The following LOXHD1 variants were observed in gnomAD, a reference collection of about 807,000 sequenced individuals.
The protein encoded by LOXHD1 is lipoxygenase homology PLAT domains 1, also known as lipoxygenase homology domain-containing protein 1.
A neutral mutation model predicts 248.2 loss-of-function variants in LOXHD1; 205 were observed. The observed-to-expected ratio is 0.83, with a 90% CI of 0.74 to 0.93. LOXHD1 has a LOEUF of 0.93. Ranked by LOEUF, LOXHD1 falls within the 40% of genes least tolerant of loss-of-function variation. The probability of loss-of-function intolerance (pLI) is 0.00; values close to 1 mark genes in which losing one functional copy is unlikely to be tolerated. For missense variants in LOXHD1, 2,930 were observed against 2,971.6 expected, an observed-to-expected ratio of 0.99 and a Z score of 0.33; for synonymous variants, 1,113 against 1,162.8, an observed-to-expected ratio of 0.96 and a Z score of 0.87.
chr18:46,567,442 C>T (rs562099908), intron 16 of LOXHD1, among the ~76,000 whole-genome samples: 18 of 152,350 alleles, frequency 1.2e-4, no homozygotes, highest in Admixed American at 3.9e-4. Flanking sequence ...AGAAGAAAAC[C>T]AGCTAAGCTT....
chr18:46,603,803 A>G (rs2038374037), intron 7 of LOXHD1, among the ~76,000 whole-genome samples: 1 of 152,224 alleles, frequency 6.6e-6, no homozygotes, highest in Admixed American at 6.5e-5. Flanking sequence ...AAGAGTTCAG[A>G]TCAATGTCCT....
intron 1 of LOXHD1, among the ~76,000 whole-genome samples, chr18:46,655,885 T>C (rs1204028348): frequency 3.3e-5 from 5 of 152,154 alleles, no homozygotes; most frequent in Non-Finnish European, 2.9e-5. Flanking sequence ...AGGGAACTCA[T>C]GGTGGACTGG....
chr18:46,541,306 C>T (rs185511820), intron 25 of LOXHD1, among the ~76,000 whole-genome samples: 2 of 152,228 alleles, frequency 1.3e-5, no homozygotes, highest in East Asian at 3.9e-4. Context: ...TAAGTGAGGG[C>T]CCTTTCAAGC....
intron 2 of LOXHD1, among the ~76,000 whole-genome samples, chr18:46,648,510 A>T (rs529427312): frequency 6.6e-6 from 1 of 152,330 alleles, no homozygotes; most frequent in African/African-American, 2.4e-5. Context: ...CCTGAGGCCC[A>T]AAACGTCTCT....
chr18:46,611,400 T>C (rs1345332809), intron 5 of LOXHD1, among the ~76,000 whole-genome samples: 1 of 152,240 alleles, frequency 6.6e-6, no homozygotes, highest in Non-Finnish European at 1.5e-5. Context: ...CTCTCATTTA[T>C]TCCTCACCAC....
chr18:46,522,616 A>T (rs932861830), intron 31 of LOXHD1, among the ~76,000 whole-genome samples: 2 of 152,226 alleles, frequency 1.3e-5, no homozygotes, highest in Admixed American at 6.5e-5. Context: ...TATTATGTGA[A>T]GGAGGGTAAG....
Position 46,591,917 on chromosome 18 carries a change from G to T in LOXHD1, c.1654+16C>A. Reference sequence around the variant, plus strand: ...GTTCCACTGCCTCCCAGGATGGAGAGCCTGTCAGTACTTACTGCCCATGAT... The same window carrying T: ...GTTCCACTGCCTCCCAGGATGGAGATCCTGTCAGTACTTACTGCCCATGAT... On this transcript the variant is annotated intron_variant, in intron 12 of 40. Transcript: ENST00000642948. The T allele has an allele frequency of 6.4e-7, 1 of 1,551,476 alleles. No homozygotes were observed. Among genetic ancestry groups the T allele is most frequent in the Non-Finnish European group, 8.7e-7 (1 of 1,146,760 alleles).
At chr18:46,559,191 C>G in intron 20 of LOXHD1, 1 of 1,454,812 alleles carries the variant, frequency 6.9e-7, no homozygotes, top group Non-Finnish European at 9.1e-7. Context: ...GCATCTGCCA[C>G]TCAACGCCAT....
At chr18:46,626,772 G>C (rs904000832) in intron 4 of LOXHD1, among the ~76,000 whole-genome samples, 1 of 152,174 alleles carries the variant, frequency 6.6e-6, no homozygotes, top group South Asian at 2.1e-4. Flanking sequence ...CTCTGTGTTT[G>C]CTCCTAGCTT....
At chr18:46,626,871 T>C (rs1439284077) in intron 4 of LOXHD1, among the ~76,000 whole-genome samples, 2 of 152,178 alleles carry the variant, frequency 1.3e-5, no homozygotes, top group African/African-American at 4.8e-5. Context: ...CCTTGCAGCG[T>C]TGTGAAAATT....
chr18:46,527,929 T>C (rs2035896033), intron 29 of LOXHD1, among the ~76,000 whole-genome samples: 1 of 152,160 alleles, frequency 6.6e-6, no homozygotes, highest in South Asian at 2.1e-4. Flanking sequence ...AAGCAGTGAA[T>C]GGGAGTGCTG....
At chr18:46,532,593 C>A (rs1339540887) in intron 28 of LOXHD1, among the ~76,000 whole-genome samples, 1 of 152,302 alleles carries the variant, frequency 6.6e-6, no homozygotes, top group East Asian at 1.9e-4. Flanking sequence ...AGTGGCCAGT[C>A]TGATGCAAAT....
At chr18:46,486,489 G>C (rs1392502051) in intron 38 of LOXHD1, among the ~76,000 whole-genome samples, 1 of 152,214 alleles carries the variant, frequency 6.6e-6, no homozygotes, top group Non-Finnish European at 1.5e-5. Flanking sequence ...GAGATCCACA[G>C]AAAGTGCATC....
At chr18:46,533,879 C>G in intron 27 of LOXHD1, 1 of 177,898 alleles carries the variant, frequency 5.6e-6, no homozygotes, top group Admixed American at 5.7e-5. Context: ...GCACTCCAGC[C>G]TGGGTGATGG....
intron 24 of LOXHD1, among the ~76,000 whole-genome samples, chr18:46,542,327 C>T (rs2036598685): frequency 6.6e-6 from 1 of 152,130 alleles, no homozygotes; most frequent in Non-Finnish European, 1.5e-5. Context: ...TAATCTTACC[C>T]AATGATAGGA....
At chr18:46,601,560 A>G in intron 7 of LOXHD1, 93 bp from the exon 8 acceptor site, 1 of 1,504,668 alleles carries the variant, frequency 6.6e-7, no homozygotes, top group Non-Finnish European at 9.0e-7. Flanking sequence ...AACACCCCCA[A>G]AGCCCTCCTC....
chr18:46,502,065 G>C (rs1302122070), intron 37 of LOXHD1, among the ~76,000 whole-genome samples: 1 of 152,196 alleles, frequency 6.6e-6, no homozygotes, highest in Non-Finnish European at 1.5e-5. Flanking sequence ...ATTTGCTAGA[G>C]AGAAATAAAC....
rs569144159 is a variant in LOXHD1, at chr18:46,574,388, TACAC to T, written c.1971-2230_1971-2227del. On this transcript the variant is annotated intron_variant, in intron 14 of 40. Transcript: ENST00000642948. ...TCACAGGAGTGTGTGTGTGTACACA[TACAC>T]ACACACACACACACACACACACACA... Among the ~76,000 whole-genome samples the T allele has an allele frequency of 4.4e-3, 546 of 125,276 alleles. 2 individuals are homozygous for T. Among genetic ancestry groups the T allele is most frequent in the Non-Finnish European group, 4.1e-3 (253 of 62,066 alleles). The allele number at this position is 125,276 out of a possible 152,430, so 82.2% of individuals were successfully genotyped here. A position where few individuals can be genotyped will look rare whatever the true frequency, so the allele number is the denominator to read the frequency against.
At chr18:46,531,400 C>T (rs78648213) in intron 28 of LOXHD1, among the ~76,000 whole-genome samples, 298 of 152,284 alleles carry the variant, frequency 2.0e-3, no homozygotes, top group Non-Finnish European at 3.5e-3. Context: ...CAACAGTTGA[C>T]GGTCTCCCCC....
Sources: gnomAD v4.1 joint callset for allele counts (sites outside exome capture counted in the v4.1 genomes callset) on GRCh38, gnomAD v4.1.1 for gene constraint, MANE v1.5 for transcripts, NCBI Gene and HGNC (gene_info 2026-07-23, HGNC 2026-07-21) for gene names.